CD164L2: variants seen among roughly 807,000 people sequenced by gnomAD.
CD164L2 encodes CD164 molecule like 2, also known as CD164 sialomucin-like 2 protein.
Under a neutral mutation model 23.9 loss-of-function variants are expected in CD164L2, and 21 were observed. The observed-to-expected ratio is 0.88, with a 90% CI of 0.62 to 1.27. The LOEUF is 1.27. CD164L2 is among the 50% of genes most tolerant of loss of function. The pLI, the probability that CD164L2 is intolerant of heterozygous loss-of-function variation, is 0.00. For missense variants in CD164L2, 230 were observed against 224.8 expected, an observed-to-expected ratio of 1.02 and a Z score of -0.15; for synonymous variants, 92 against 90.2, an observed-to-expected ratio of 1.02 and a Z score of -0.11.
At chr1:27,382,215 C>T (rs2016347593) in intron 3 of CD164L2, 113 bp downstream of exon 3, 2 of 1,609,444 alleles carry the variant, frequency 1.2e-6, no homozygotes, top group Admixed American at 1.7e-5. Flanking sequence ...TGATACCGGG[C>T]CCAGGTATGG....
Position 27,380,057 on chromosome 1 carries a change from T to C in CD164L2, c.512A>G (p.Gln171Arg). 6.2e-7 allele frequency: 1 copy of C among 1,613,782 alleles called. No individual in the cohort carries two copies. The highest frequency in any genetic ancestry group is 8.5e-7 in the Non-Finnish European group (1 of 1,179,822). The change falls in exon 5 of 6, where the codon CAG (glutamine) becomes CGG (arginine). Residue 171 changes from glutamine to arginine, a missense_variant. Physicochemically the swap from Gln to Arg is conservative, Grantham distance 43 (BLOSUM62 1). Coordinates refer to ENST00000374030, the MANE Select transcript of CD164L2 (RefSeq NM_001330448.1). ...CTGCTGGCCAGGTACTCACAGCGTC[T>C]GGTAGGTGCTGTCCTTGGCCTTGAG... is the stretch of plus-strand genomic sequence containing the variant. ...HFLKAKDSTY[Q>R]TLI
At chr1:27,382,066 T>G in intron 3 of CD164L2, 1 of 1,474,844 alleles carries the variant, frequency 6.8e-7, no homozygotes, top group Admixed American at 2.4e-5. Flanking sequence ...TCATTCCCTC[T>G]GAACTTCCAA....
intron 4 of CD164L2, among the ~76,000 whole-genome samples, chr1:27,381,477 A>G (rs2148077607): frequency 1.3e-5 from 2 of 152,280 alleles, no homozygotes; most frequent in Middle Eastern, 3.4e-3. Context: ...ACCTCCAAGG[A>G]CAAGTCCCGA....
chr1:27,381,669 G>C (rs1454260132), intron 4 of CD164L2, 111 bp downstream of exon 4: 1 of 1,193,906 alleles, frequency 8.4e-7, no homozygotes, highest in Non-Finnish European at 1.2e-6. Flanking sequence ...GACAGGCTCC[G>C]AGGGAGAAGG....
At chr1:27,380,755 A>C (rs1307365287) in intron 4 of CD164L2, among the ~76,000 whole-genome samples, 1 of 152,228 alleles carries the variant, frequency 6.6e-6, no homozygotes, top group African/African-American at 2.4e-5. Flanking sequence ...TAAGTGGGTA[A>C]GCGAGGACTG....
In CD164L2 at chr1:27,381,688, C is replaced by T. The variant is rs1252651421; in HGVS notation, c.373+92G>A. 1.8e-5 allele frequency: 25 copies of T among 1,414,776 alleles called. No individual in the cohort carries two copies. The Admixed American group carries it at 3.1e-4, about 18-fold the overall frequency. The allele number at this position is 1,414,776 out of a possible 1,614,324, so 87.6% of individuals were successfully genotyped here. A position where few individuals can be genotyped will look rare whatever the true frequency, so the allele number is the denominator to read the frequency against. ...GGCTCCGAGGGAGAAGGCGCAGGGC[C>T]GAGGTCACAGAGCATGTCAGTGCCT... On this transcript the variant is annotated intron_variant, in intron 4 of 5. Coordinates refer to ENST00000374030, the MANE Select transcript of CD164L2 (RefSeq NM_001330448.1).
chr1:27,382,417 A>AG lies in CD164L2; in HGVS notation c.257-19dup, dbSNP rs1474542288. On this transcript the variant is annotated intron_variant, in intron 2 of 5. Coordinates refer to ENST00000374030, the MANE Select transcript of CD164L2 (RefSeq NM_001330448.1). ...ACAGTGTCCTGGTGAGAGAAGGTGC[A>AG]GGGGGGAGGTTTGGGGAGAGGGGCC... The AG allele has an allele frequency of 6.3e-7, 1 of 1,590,738 alleles. No homozygotes were observed. Among genetic ancestry groups the AG allele is most frequent in the Non-Finnish European group, 8.6e-7 (1 of 1,164,358 alleles).
chr1:27,383,090 G>T, intron 1 of CD164L2, 62 bp downstream of exon 1: 1 of 1,376,868 alleles, frequency 7.3e-7, no homozygotes, highest in Non-Finnish European at 1.0e-6. Flanking sequence ...GGAGACGGCT[G>T]GCTGAGGTGC....
At chr1:27,382,224 G>A (rs1342051286) in intron 3 of CD164L2, 104 bp downstream of exon 3, 1 of 1,612,164 alleles carries the variant, frequency 6.2e-7, no homozygotes, top group Admixed American at 1.7e-5. Flanking sequence ...GCCCAGGTAT[G>A]GGTGAGCAAA....
intron 4 of CD164L2, 141 bp downstream of exon 4, chr1:27,381,639 A>C: frequency 2.3e-6 from 2 of 856,464 alleles, no homozygotes; most frequent in Non-Finnish European, 3.6e-6. Flanking sequence ...GCATCATCCA[A>C]CCCATTTCAC....
At chr1:27,379,596 A>C in intron 5 of CD164L2, 87 bp from the exon 6 acceptor site, 1 of 1,550,146 alleles carries the variant, frequency 6.5e-7, no homozygotes, top group East Asian at 2.4e-5. Context: ...CAGCAGAGGA[A>C]GAGCAAACAC....
Position 27,379,263 on chromosome 1 carries a change from G to A in CD164L2, c.*240C>T, listed in dbSNP as rs2016293373. On this transcript the variant is annotated 3_prime_UTR_variant, in exon 6 of 6. Coordinates refer to ENST00000374030, the MANE Select transcript of CD164L2 (RefSeq NM_001330448.1). ...ATACAACCCACTGTCAGGCTGGGGG[G>A]CCCAGCAGGGGCGATGGAGGAGACG... 5 of 591,294 alleles carry A rather than the reference G, an allele frequency of 8.5e-6. No homozygotes were observed. Among genetic ancestry groups the A allele is most frequent in the Non-Finnish European group, 1.5e-5 (5 of 329,064 alleles). 36.6% of individuals were successfully genotyped at this position (591,294 alleles called of 1,614,324 possible). A position where few individuals can be genotyped will look rare whatever the true frequency, so the allele number is the denominator to read the frequency against.
Position 27,383,143 on chromosome 1 carries a change from G to A in CD164L2, c.88+9C>T. ...GTCGAGCCCCTAGCCAGACCCTGCCGCGAGTTACCAGCCACAGCCAGCTGG... is the reference window on the plus strand; with the variant it reads ...GTCGAGCCCCTAGCCAGACCCTGCCACGAGTTACCAGCCACAGCCAGCTGG... On this transcript the variant is annotated intron_variant, in intron 1 of 5. Transcript: ENST00000374030. The A allele has an allele frequency of 6.5e-7, 1 of 1,546,136 alleles. No homozygotes were observed. The highest frequency in any genetic ancestry group is 8.7e-7 in the Non-Finnish European group (1 of 1,144,486).
Position 27,383,319 on chromosome 1 carries a change from C to A in CD164L2, c.-80G>T, listed in dbSNP as rs1017571507. The A allele has an allele frequency of 3.9e-5, 36 of 923,916 alleles. No homozygotes were observed. Among genetic ancestry groups the A allele is most frequent in the Non-Finnish European group, 4.9e-5 (30 of 613,596 alleles). The allele number at this position is 923,916 out of a possible 1,614,324, so 57.2% of individuals were successfully genotyped here. A position where few individuals can be genotyped will look rare whatever the true frequency, so the allele number is the denominator to read the frequency against. ...CCGGGCGCGTCCCTCCCAGACTGGGCTCGGCTGAGCGTGTGCGGAGCGAGA... is the reference window on the plus strand; with the variant it reads ...CCGGGCGCGTCCCTCCCAGACTGGGATCGGCTGAGCGTGTGCGGAGCGAGA... On this transcript the variant is annotated 5_prime_UTR_variant, in exon 1 of 6. Coordinates refer to ENST00000374030, the MANE Select transcript of CD164L2 (RefSeq NM_001330448.1).
chr1:27,380,131 G>T lies in CD164L2; in HGVS notation c.438C>A (p.Val146=), dbSNP rs142703194. The T allele has an allele frequency of 8.7e-6, 14 of 1,614,044 alleles. No individual in the cohort carries two copies. The highest frequency in any genetic ancestry group is 1.2e-5 in the Non-Finnish European group (14 of 1,180,032). ...CCGCCTGTAGGCTCAACACCAGCAC[G>T]ACACCTCCGATAAAGCTGGCCCCGT... ...GFDGASFIGG[V]VLVLSLQAVA... Residue 146 remains valine (V), a synonymous_variant, in exon 5 of 6, where the codon GTC becomes GTA. Coordinates refer to ENST00000374030, the MANE Select transcript of CD164L2 (RefSeq NM_001330448.1).
At chr1:27,381,369 C>A (rs17162558) in intron 4 of CD164L2, among the ~76,000 whole-genome samples, 11,330 of 152,220 alleles carry the variant, frequency 0.074, 1,254 homozygotes, top group East Asian at 0.36. Flanking sequence ...CTTGCCTCTA[C>A]TCCGCCAGGA....
Position 27,383,169 on chromosome 1 carries a change from G to T in CD164L2, c.71C>A (p.Ala24Asp). ...CGAGTTACCAGCCACAGCCAGCTGG[G>T]CACATAGGAGGAGGCAGCAACAGCC... ...CGGCCCLLLCAQLAVAGKGAR... is the reference protein window; with the variant it reads ...CGGCCCLLLCDQLAVAGKGAR... The change falls in exon 1 of 6, where the codon GCC becomes GAC. Residue 24 changes from alanine to aspartate, a missense_variant. Physicochemically the swap from Ala to Asp is moderately radical, Grantham distance 126. Transcript: ENST00000374030. 1 of 1,548,544 alleles carries T rather than the reference G, an allele frequency of 6.5e-7. No individual in the cohort carries two copies. Among genetic ancestry groups the T allele is most frequent in the Middle Eastern group, 2.1e-4 (1 of 4,754 alleles).
chr1:27,380,262 A>G (rs977247292), intron 4 of CD164L2, 67 bp from the exon 5 acceptor site: 2 of 1,475,858 alleles, frequency 1.4e-6, no homozygotes, highest in Non-Finnish European at 1.9e-6. Flanking sequence ...TCCTACCCTC[A>G]TAACTGGCAC....
At chr1:27,381,914 A>G in intron 3 of CD164L2, 90 bp from the exon 4 acceptor site, 1 of 1,527,382 alleles carries the variant, frequency 6.5e-7, no homozygotes, top group Non-Finnish European at 9.0e-7. Flanking sequence ...TAAACTTCCG[A>G]TTCAGATGCA....
Sources: gnomAD v4.1 joint callset for allele counts (sites outside exome capture counted in the v4.1 genomes callset) on GRCh38, gnomAD v4.1.1 for gene constraint, MANE v1.5 for transcripts, NCBI Gene and HGNC (gene_info 2026-07-23, HGNC 2026-07-21) for gene names.